NBEAL2: variants seen among roughly 807,000 people sequenced by gnomAD.
The protein encoded by NBEAL2 is neurobeachin-like protein 2.
Under a neutral mutation model 299.8 loss-of-function variants are expected in NBEAL2, and 160 were observed. The ratio of observed to expected loss-of-function variants is 0.53; its 90% CI spans 0.47 to 0.61. NBEAL2 has a LOEUF of 0.61. NBEAL2 is among the 20% of genes least tolerant of loss of function. The pLI, the probability that NBEAL2 is intolerant of heterozygous loss-of-function variation, is 0.00. For missense variants in NBEAL2, 3,112 were observed against 3,649.0 expected (o/e 0.85, Z 3.79); for synonymous variants, 1,493 against 1,542.3 (o/e 0.97, Z 0.75).
In NBEAL2 at chr3:47,009,308, T is replaced by A; in HGVS notation, c.8253T>A (p.Thr2751=). The A allele has an allele frequency of 3.1e-6, 5 of 1,594,950 alleles. No individual in the cohort carries two copies. Among genetic ancestry groups the A allele is most frequent in the Non-Finnish European group, 4.3e-6 (5 of 1,171,932 alleles). Residue 2751 remains threonine, a synonymous_variant, in exon 54 of 54, where the codon ACT becomes ACA. Transcript: ENST00000450053. ...VSSGETEYNP[T]EAR ...CGGGAGAGACGGAATACAACCCTACTGAGGCGCGCTGAACCTGGCCAGTCC... is the reference window on the plus strand; with the variant it reads ...CGGGAGAGACGGAATACAACCCTACAGAGGCGCGCTGAACCTGGCCAGTCC...
rs1265529029 is a variant in NBEAL2 at position 46,991,682 on chromosome 3, A to C, written c.919A>C (p.Met307Leu). Reference sequence around the variant, plus strand: ...GGCCCTTGTCACCCTCCGGGTCAGCATGCTCGGTGGGTATGGGCTCCCAGG... The same window carrying C: ...GGCCCTTGTCACCCTCCGGGTCAGCCTGCTCGGTGGGTATGGGCTCCCAGG... ...EEALVTLRVS[M>L]LDAIPMMLAC... The change falls in exon 8 of 54, where the codon ATG becomes CTG. Residue 307 changes from methionine to leucine, a missense_variant. Met to Leu is a conservative substitution (Grantham distance 15). Transcript: ENST00000450053. This position sits in a 1 kb window ranked among gnomAD's most constrained non-coding sequence, Gnocchi z 6.2. 11 of 1,596,036 alleles carry C rather than the reference A, an allele frequency of 6.9e-6. No homozygotes were observed. The highest frequency in any genetic ancestry group is 9.3e-6 in the Non-Finnish European group (11 of 1,177,498).
Position 47,002,422 on chromosome 3 carries a change from G to A in NBEAL2, c.5203G>A (p.Asp1735Asn), listed in dbSNP as rs1253504231. 5.6e-6 allele frequency: 9 copies of A among 1,613,420 alleles called. No homozygotes were observed. The highest frequency in any genetic ancestry group is 2.2e-5 in the East Asian group (1 of 44,894). ...AATGGACACGTATGCTAAGAGCCAC[G>A]ACCTTATGTCAGGTTTCTGGAATGC... The part of the protein sequence containing the change: ...FEMDTYAKSH[D>N]LMSGFWNACY... The change falls in exon 32 of 54, where the codon GAC (aspartate) becomes AAC (asparagine). Residue 1735 changes from aspartate (D) to asparagine (N), a missense_variant. Physicochemically the swap from Asp to Asn is conservative, Grantham distance 23 (BLOSUM62 1). Around this residue, in one of 3 missense-constraint regions of NBEAL2, gnomAD observed 2,243 missense variants for 2,538.1 expected, o/e 0.88. Coordinates refer to ENST00000450053, the MANE Select transcript of NBEAL2 (RefSeq NM_015175.3).
rs574217510 is a variant in NBEAL2, at chr3:46,995,192, G to A, written c.1457G>A (p.Arg486His). ...CTCTGTGACAGCTGCCCTGCCAGCC[G>A]TGCCACCTGTGTGCAGGCAGGCCTG... ...RWLCDSCPASRATCVQAGLVG... is the reference protein window; with the variant it reads ...RWLCDSCPASHATCVQAGLVG... The change falls in exon 13 of 54, where the codon CGT becomes CAT. Residue 486 changes from arginine (R) to histidine (H), a missense_variant. Arg to His is a conservative substitution (Grantham distance 29). Coordinates refer to ENST00000450053, the MANE Select transcript of NBEAL2 (RefSeq NM_015175.3). The A allele has an allele frequency of 8.2e-5, 128 of 1,559,412 alleles. No individual in the cohort carries two copies. The East Asian group carries it at 2.1e-3, about 26-fold the overall frequency.
chr3:47,008,892 A>G, intron 52 of NBEAL2, 97 bp from the exon 53 acceptor site: 1 of 1,541,914 alleles, frequency 6.5e-7, no homozygotes, highest in Non-Finnish European at 8.8e-7. Context: ...ACCATCCTTA[A>G]AATGAGGACA....
chr3:47,009,425 T>A lies in NBEAL2; in HGVS notation c.*105T>A, dbSNP rs2037733440. ...CCCCGGGGTGGGCAGCCCAGGGGGG[T>A]GAGCGGGGCCCACCCTGCCCAGCTC... is the stretch of plus-strand genomic sequence containing the variant. On this transcript the variant is annotated 3_prime_UTR_variant, in exon 54 of 54. Coordinates refer to ENST00000450053, the MANE Select transcript of NBEAL2 (RefSeq NM_015175.3). The A allele has an allele frequency of 3.1e-6, 3 of 963,306 alleles. No homozygotes were observed. Among genetic ancestry groups the A allele is most frequent in the Non-Finnish European group, 4.7e-6 (3 of 645,054 alleles). The allele number at this position is 963,306 out of a possible 1,614,324, so 59.7% of individuals were successfully genotyped here.
At position 47,007,618 on chromosome 3, in the gene NBEAL2, C is replaced by T. The variant is rs865833077; in HGVS notation, c.7428C>T (p.Ser2476=). ...CCCCGGATGGAAAGCTGCTATTCAG[C>T]GGTGGCCACTGGGATGGCAGCCTGC... ...AVAPDGKLLF[S]GGHWDGSLRV... is the part of the protein sequence containing the mutation. Residue 2476 remains serine (S), a synonymous_variant, in exon 48 of 54, where the codon AGC becomes AGT. Coordinates refer to ENST00000450053, the MANE Select transcript of NBEAL2 (RefSeq NM_015175.3). 5 of 1,611,266 alleles carry T rather than the reference C, an allele frequency of 3.1e-6. No homozygotes were observed. Among genetic ancestry groups the T allele is most frequent in the South Asian group, 2.2e-5 (2 of 90,658 alleles).
chr3:47,002,564 C>T, intron 32 of NBEAL2, 44 bp downstream of exon 32: 1 of 1,610,240 alleles, frequency 6.2e-7, no homozygotes, highest in Non-Finnish European at 8.5e-7. Context: ...TCCACACATG[C>T]ACCCAGGAGA....
rs774770788 is a variant in NBEAL2, at chr3:47,003,304, G to A, written c.5715G>A (p.Glu1905=). ...GCGAGGACGAGCTGGCTGAGCTGGA[G>A]ACCCCGTGAGTGGGGCCCTGGAGAG... is the stretch of plus-strand genomic sequence containing the variant. The part of the protein sequence containing the change: ...QLGEDELAEL[E]TPMEAAELDE... The change falls in exon 35 of 54, where the codon GAG becomes GAA. Residue 1905 remains glutamate, a synonymous_variant. Transcript: ENST00000450053. This position sits in a 1 kb window ranked among gnomAD's most constrained non-coding sequence, Gnocchi z 7.0. 2.7e-5 allele frequency: 43 copies of A among 1,612,290 alleles called. No individual in the cohort carries two copies. The highest frequency in any genetic ancestry group is 5.5e-5 in the South Asian group (5 of 91,028).
Position 46,991,475 on chromosome 3 carries a change from C to T in NBEAL2, c.712C>T (p.Arg238Cys), listed in dbSNP as rs201446553. ...GCTGAGTGTGGTGCGGGGCTGGAGC[C>T]GTGGGCCAGCCCCGGACCCGTGCCT... ...GLLSVVRGWS[R>C]GPAPDPCLVP... Residue 238 changes from arginine (R) to cysteine (C), a missense_variant, in exon 8 of 54, where the codon CGT (arginine) becomes TGT (cysteine). By Grantham distance (180) the Arg-to-Cys change is radical. Transcript: ENST00000450053. The surrounding 1 kb of genome is among the most constrained non-coding windows in gnomAD (Gnocchi z 6.2). The T allele has an allele frequency of 5.0e-6, 8 of 1,612,440 alleles. No individual in the cohort carries two copies. Among genetic ancestry groups the T allele is most frequent in the East Asian group, 2.2e-5 (1 of 44,874 alleles).
In NBEAL2 at chr3:47,003,400, T is replaced by C. The variant is rs1226101895; in HGVS notation, c.5720+91T>C. On this transcript the variant is annotated intron_variant, in intron 35 of 53. Coordinates refer to ENST00000450053, the MANE Select transcript of NBEAL2 (RefSeq NM_015175.3). This position sits in a 1 kb window ranked among gnomAD's most constrained non-coding sequence, Gnocchi z 7.0. ...GCCTCTGTGGGATCAACTCCCTGAG[T>C]GTGTCCTCTTCTGCTGCCCGACTAC... The C allele has an allele frequency of 2.6e-6, 4 of 1,515,758 alleles. No individual in the cohort carries two copies. In the African/African-American group the frequency reaches 4.2e-5, roughly 16 times the overall value. 93.9% of individuals were successfully genotyped at this position (1,515,758 alleles called of 1,614,324 possible).
chr3:46,979,811 G>T lies in NBEAL2; in HGVS notation c.-51G>T. On this transcript the variant is annotated 5_prime_UTR_variant, in exon 1 of 54. Transcript: ENST00000450053. ...GCCGAGGGCAACCGGCGGGCGGCGC[G>T]GAGGAGGCGGCGACAGGTGGCGCGC... The T allele has an allele frequency of 2.5e-6, 1 of 401,622 alleles. No individual in the cohort carries two copies. The highest frequency in any genetic ancestry group is 4.3e-6 in the Non-Finnish European group (1 of 230,110). The allele number at this position is 401,622 out of a possible 1,614,324, so 24.9% of individuals were successfully genotyped here. A position where few individuals can be genotyped will look rare whatever the true frequency, so the allele number is the denominator to read the frequency against.
rs755216630 is a variant in NBEAL2, at chr3:47,005,053, A to G, written c.6376A>G (p.Ile2126Val). 1.2e-6 allele frequency: 2 copies of G among 1,613,608 alleles called. No individual in the cohort carries two copies. The highest frequency in any genetic ancestry group is 1.1e-5 in the South Asian group (1 of 91,052). Residue 2126 changes from isoleucine (I) to valine (V), a missense_variant, in exon 39 of 54, where the codon ATC becomes GTC. This residue lies in a region of NBEAL2 where 521 missense variants were observed against 729.6 expected (regional missense o/e 0.71). Coordinates refer to ENST00000450053, the MANE Select transcript of NBEAL2 (RefSeq NM_015175.3). Reference sequence around the variant, plus strand: ...CGTCTTCCGGGACCTGTCTAAGCCCATCGGTGTGGTGAACCCCAAGCATGC... The same window carrying G: ...CGTCTTCCGGGACCTGTCTAAGCCCGTCGGTGTGGTGAACCCCAAGCATGC... ...PAVFRDLSKP[I>V]GVVNPKHAQL...
In NBEAL2 at chr3:47,004,276, C is replaced by G. The variant is rs372284949; in HGVS notation, c.6081C>G (p.Pro2027=). Reference sequence around the variant, plus strand: ...GACCCCAGCCTGGCCCCATCCCACCCCATACCCAGGTACGGAACCAGGTGT... The same window carrying G: ...GACCCCAGCCTGGCCCCATCCCACCGCATACCCAGGTACGGAACCAGGTGT... ...TPRPQPGPIP[P]HTQVRNQVYS... Residue 2027 remains proline, a synonymous_variant, in exon 37 of 54, where the codon CCC becomes CCG. Transcript: ENST00000450053. The surrounding 1 kb of genome is among the most constrained non-coding windows in gnomAD (Gnocchi z 5.0). The G allele has an allele frequency of 1.8e-5, 29 of 1,613,538 alleles. No individual in the cohort carries two copies. The highest frequency in any genetic ancestry group is 2.5e-5 in the Non-Finnish European group (29 of 1,179,796).
At chr3:46,987,961 C>T (rs1197942512) in intron 1 of NBEAL2, 25 of 1,268,042 alleles carry the variant, frequency 2.0e-5, no homozygotes, top group Non-Finnish European at 2.5e-5. Context: ...CTGCCCCAGC[C>T]CCGGGGCGGG....
rs765396438 is a variant in NBEAL2, at chr3:47,004,081, C to T, written c.5886C>T (p.Ile1962=). ...ACCTGCTGTTCCTCCCCATAGGCAT[C>T]GGCTATGATTTCCGGCGCCCACTGG... ...STERVETEEG[I]GYDFRRPLAQ... The change falls in exon 37 of 54, where the codon ATC becomes ATT. Residue 1962 remains isoleucine (I), a synonymous_variant. Coordinates refer to ENST00000450053, the MANE Select transcript of NBEAL2 (RefSeq NM_015175.3). This position sits in a 1 kb window ranked among gnomAD's most constrained non-coding sequence, Gnocchi z 5.0. 4.3e-6 allele frequency: 7 copies of T among 1,611,782 alleles called. No individual in the cohort carries two copies. Among genetic ancestry groups the T allele is most frequent in the Admixed American group, 3.3e-5 (2 of 59,950 alleles).
intron 10 of NBEAL2, among the ~76,000 whole-genome samples, chr3:46,993,168 G>A (rs879901965): frequency 5.3e-5 from 8 of 152,194 alleles, no homozygotes; most frequent in Non-Finnish European, 1.0e-4. Context: ...GAGCTTACAC[G>A]TCTATTCATC....
chr3:46,993,123 A>T (rs1435851949), intron 10 of NBEAL2, among the ~76,000 whole-genome samples: 1 of 152,160 alleles, frequency 6.6e-6, no homozygotes, highest in Non-Finnish European at 1.5e-5. Context: ...TCATGAGGTA[A>T]CCCTATGTGT....
At position 47,007,657 on chromosome 3, in the gene NBEAL2, A is replaced by G. The variant is rs1230364422; in HGVS notation, c.7467A>G (p.Leu2489=). 1 of 1,610,096 alleles carries G rather than the reference A, an allele frequency of 6.2e-7. No individual in the cohort carries two copies. The change falls in exon 48 of 54, where the codon CTA becomes CTG. Residue 2489 remains leucine, a synonymous_variant. Transcript: ENST00000450053. The part of the protein sequence containing the change: ...HWDGSLRVTA[L]PRGKLLSQLS... ...ATGGCAGCCTGCGGGTGACTGCACT[A>G]CCCCGTGGCAAGCTGTTGAGCCAGC...
rs769400960 is a variant in NBEAL2, at chr3:47,004,023, G to A, written c.5881+47G>A. 1 of 1,607,062 alleles carries A rather than the reference G, an allele frequency of 6.2e-7. No homozygotes were observed. The highest frequency in any genetic ancestry group is 8.5e-7 in the Non-Finnish European group (1 of 1,174,866). ...TAGGAGGATGGCAGGGAATGGCTGAGCTCTGGGTGGGGCTGGGGTGAGTGA... is the reference window on the plus strand; with the variant it reads ...TAGGAGGATGGCAGGGAATGGCTGAACTCTGGGTGGGGCTGGGGTGAGTGA... On this transcript the variant is annotated intron_variant, in intron 36 of 53. Transcript: ENST00000450053. The surrounding 1 kb of genome is among the most constrained non-coding windows in gnomAD (Gnocchi z 5.0).
Sources: allele counts gnomAD v4.1 joint callset (sites outside exome capture counted in the v4.1 genomes callset), GRCh38; gene constraint gnomAD v4.1.1; regional missense constraint gnomAD v4.1.1; non-coding constraint Gnocchi (gnomAD v3.1); transcripts MANE v1.5; gene names NCBI Gene and HGNC (gene_info 2026-07-23, HGNC 2026-07-21).